The following TTK variants were observed in gnomAD, a reference collection of about 807,000 sequenced individuals.
TTK encodes TTK protein kinase.
Under a neutral mutation model 117.3 loss-of-function variants are expected in TTK, and 59 were observed. That is an observed-to-expected ratio of 0.50 (90% confidence interval 0.41 to 0.62). The LOEUF is 0.62. Ranked by LOEUF, TTK falls within the 20% of genes least tolerant of loss-of-function variation. TTK has a pLI of 0.00. For missense variants in TTK, 921 were observed against 989.4 expected, an observed-to-expected ratio of 0.93 and a Z score of 0.93; for synonymous variants, 302 against 325.0, an observed-to-expected ratio of 0.93 and a Z score of 0.76.
At chr6:80,038,675 TCC>T (rs1767969716) in intron 18 of TTK, among the ~76,000 whole-genome samples, 3 of 152,290 alleles carry the variant, frequency 2.0e-5, no homozygotes, top group Non-Finnish European at 4.4e-5. Context: ...AATTTTATTT[TCC>T]TCCTTAGAAA....
rs961166327 is a variant in TTK at position 80,042,193 on chromosome 6, A to G, written c.2565A>G (p.Gly855=). 1.1e-5 allele frequency: 18 copies of G among 1,587,100 alleles called. No homozygotes were observed. In the East Asian group the frequency reaches 3.2e-4, roughly 28 times the overall value. Residue 855 remains glycine (G), a synonymous_variant, in exon 22 of 22, where the codon GGA becomes GGG. Transcript: ENST00000369798. Reference sequence around the variant, plus strand: ...CCAAGACTTTTGAAAAAAAAAGGGGAAAAAAATGATTTGCAGTTATTCGTA... The same window carrying G: ...CCAAGACTTTTGAAAAAAAAAGGGGGAAAAAATGATTTGCAGTTATTCGTA... The part of the protein sequence containing the change: ...SSSKTFEKKR[G]KK
Position 80,042,368 on chromosome 6 carries a change from C to T in TTK, c.*166C>T. ...AAAAGAAAACTGTAAAAATAGCAAC[C>T]ACTTATGGCACTGTATATATTGTAG... On this transcript the variant is annotated 3_prime_UTR_variant, in exon 22 of 22. Transcript: ENST00000369798. 2.1e-6 allele frequency: 1 copy of T among 474,220 alleles called. No individual in the cohort carries two copies. Among genetic ancestry groups the T allele is most frequent in the South Asian group, 4.3e-5 (1 of 23,472 alleles). 29.4% of individuals were successfully genotyped at this position (474,220 alleles called of 1,614,324 possible). A position where few individuals can be genotyped will look rare whatever the true frequency, so the allele number is the denominator to read the frequency against.
chr6:80,009,942 C>T (rs1257526343), intron 4 of TTK, among the ~76,000 whole-genome samples: 3 of 151,960 alleles, frequency 2.0e-5, no homozygotes, highest in African/African-American at 7.2e-5. Context: ...TTTTCTTGTG[C>T]TAAAATACAC....
Position 80,014,518 on chromosome 6 carries a change from A to G in TTK, c.1040A>G (p.Glu347Gly), listed in dbSNP as rs1161017053. Reference sequence around the variant, plus strand: ...CTGGTGTCAGATGAAAAGAGTTCTGAACTTATTATTACTGATTCAATAACC... The same window carrying G: ...CTGGTGTCAGATGAAAAGAGTTCTGGACTTATTATTACTGATTCAATAACC... ...EPLVSDEKSS[E>G]LIITDSITLK... Residue 347 changes from glutamate to glycine, a missense_variant, in exon 10 of 22, where the codon GAA becomes GGA. Glu to Gly is a moderately conservative substitution (Grantham distance 98, BLOSUM62 -2). Coordinates refer to ENST00000369798, the MANE Select transcript of TTK (RefSeq NM_003318.5). 7.5e-6 allele frequency: 12 copies of G among 1,610,508 alleles called. 1 individual carries two copies. Among genetic ancestry groups the G allele is most frequent in the Middle Eastern group, 3.3e-4 (2 of 6,066 alleles).
intron 2 of TTK, among the ~76,000 whole-genome samples, chr6:80,006,634 T>C (rs1019310321): frequency 6.6e-6 from 1 of 152,172 alleles, no homozygotes; most frequent in African/African-American, 2.4e-5. Flanking sequence ...CTGGGCATCA[T>C]AGGAATACTA....
At chr6:80,010,978 A>G in intron 5 of TTK, 21 bp downstream of exon 5, 2 of 1,601,482 alleles carry the variant, frequency 1.2e-6, no homozygotes. Flanking sequence ...AGGTATACTA[A>G]TACTTTCTGT....
intron 17 of TTK, among the ~76,000 whole-genome samples, chr6:80,037,382 T>G (rs767886072): frequency 6.6e-6 from 1 of 152,152 alleles, no homozygotes; most frequent in Non-Finnish European, 1.5e-5. Flanking sequence ...ATATATTCTG[T>G]GTTTAAAGCA....
chr6:80,032,041 T>A (rs1206933163), intron 14 of TTK, among the ~76,000 whole-genome samples: 1 of 152,204 alleles, frequency 6.6e-6, no homozygotes, highest in Admixed American at 6.5e-5. Context: ...GAGTTCTAAA[T>A]TTATATCGTT....
At chr6:80,016,656 G>A (rs1473761370) in intron 10 of TTK, among the ~76,000 whole-genome samples, 9 of 151,998 alleles carry the variant, frequency 5.9e-5, no homozygotes, top group Non-Finnish European at 8.8e-5. Flanking sequence ...AAGGGAAAAC[G>A]CATAATTATT....
chr6:80,012,058 TG>T, intron 8 of TTK, 78 bp downstream of exon 8: 1 of 1,085,938 alleles, frequency 9.2e-7, no homozygotes, highest in South Asian at 1.7e-5. Flanking sequence ...AGTCTTTTAC[TG>T]AGTAATAGTA....
Position 80,008,431 on chromosome 6 carries a change from A to G in TTK, c.408A>G (p.Arg136=). 2 of 1,612,686 alleles carry G rather than the reference A, an allele frequency of 1.2e-6. No homozygotes were observed. Among genetic ancestry groups the G allele is most frequent in the Non-Finnish European group, 1.7e-6 (2 of 1,179,222 alleles). The part of the protein sequence containing the change: ...DDARDYFQMA[R]ANCKKFAFVH... ...CACGTGACTACTTTCAAATGGCCAG[A>G]GCAAACTGCAAGAAATTTGCTTTTG... The change falls in exon 4 of 22, where the codon AGA becomes AGG. Residue 136 remains arginine, a synonymous_variant. Transcript: ENST00000369798.
chr6:80,036,485 C>T lies in TTK; in HGVS notation c.1935C>T (p.His645=). 1 of 1,606,846 alleles carries T rather than the reference C, an allele frequency of 6.2e-7. No homozygotes were observed. Among genetic ancestry groups the T allele is most frequent in the Non-Finnish European group, 8.5e-7 (1 of 1,177,136 alleles). Residue 645 remains histidine, a synonymous_variant, in exon 17 of 22, where the codon CAC becomes CAT. Transcript: ENST00000369798. ...ATTTTTATTTTAAAGGCATTGTTCA[C>T]AGTGATCTTAAACCAGCTAACTTTC... ...VHTIHQHGIV[H]SDLKPANFLI... is the part of the protein sequence containing the mutation.
At chr6:80,028,847 A>T (rs936386125) in intron 13 of TTK, among the ~76,000 whole-genome samples, 2 of 152,184 alleles carry the variant, frequency 1.3e-5, no homozygotes, top group African/African-American at 4.8e-5. Flanking sequence ...CTGGTAGAAA[A>T]CATGGGCCTT....
At chr6:80,007,687 A>G (rs895555886) in intron 2 of TTK, 122 bp from the exon 3 acceptor site, 1 of 691,310 alleles carries the variant, frequency 1.4e-6, no homozygotes, top group South Asian at 2.6e-5. Flanking sequence ...AAAAAGTATT[A>G]TAAGGACTTT....
chr6:80,027,017 G>A (rs951195969), intron 12 of TTK, among the ~76,000 whole-genome samples: 2 of 152,114 alleles, frequency 1.3e-5, no homozygotes, highest in Admixed American at 6.5e-5. Context: ...GAAGAAGTTC[G>A]ATGATGAGTG....
chr6:80,021,332 G>C (rs1582098545), intron 10 of TTK, among the ~76,000 whole-genome samples: 1 of 152,328 alleles, frequency 6.6e-6, no homozygotes, highest in East Asian at 1.9e-4. Flanking sequence ...CTGGTAGCCT[G>C]AGTGGGTGAG....
At chr6:80,016,807 T>C (rs902694193) in intron 10 of TTK, among the ~76,000 whole-genome samples, 4 of 152,194 alleles carry the variant, frequency 2.6e-5, no homozygotes, top group Admixed American at 6.5e-5. Context: ...TATTTCTTTC[T>C]CTCCAAGCAG....
Position 80,014,496 on chromosome 6 carries a change from G to A in TTK, c.1018G>A (p.Val340Met), listed in dbSNP as rs1276859759. The change falls in exon 10 of 22, where the codon GTG becomes ATG. Residue 340 changes from valine to methionine, a missense_variant. Coordinates refer to ENST00000369798, the MANE Select transcript of TTK (RefSeq NM_003318.5). ...AAATAGTCATTTCAAGGAACCTCTG[G>A]TGTCAGATGAAAAGAGTTCTGAACT... ...VQNSHFKEPLVSDEKSSELII... is the reference protein window; with the variant it reads ...VQNSHFKEPLMSDEKSSELII... 1.2e-6 allele frequency: 2 copies of A among 1,608,756 alleles called. No individual in the cohort carries two copies. The highest frequency in any genetic ancestry group is 1.7e-6 in the Non-Finnish European group (2 of 1,177,554).
intron 10 of TTK, among the ~76,000 whole-genome samples, chr6:80,015,837 A>G (rs951794263): frequency 6.6e-6 from 1 of 152,198 alleles, no homozygotes; most frequent in Non-Finnish European, 1.5e-5. Context: ...AGTGCTGCAC[A>G]ATGAAATAAC....
Sources: gnomAD v4.1 joint callset for allele counts (sites outside exome capture counted in the v4.1 genomes callset) on GRCh38, gnomAD v4.1.1 for gene constraint, MANE v1.5 for transcripts, NCBI Gene and HGNC (gene_info 2026-07-23, HGNC 2026-07-21) for gene names.